Variants in RUNX1 observed in about 807,000 individuals in gnomAD.
RUNX1 encodes runt-related transcription factor 1.
In RUNX1, 19 loss-of-function variants were observed where a neutral mutation model predicts 42.8. The observed-to-expected ratio is 0.44, with a 90% confidence interval of 0.31 to 0.65. The LOEUF is 0.65. RUNX1 is among the 30% of genes least tolerant of loss of function. The pLI, the probability that RUNX1 is intolerant of heterozygous loss-of-function variation, is 0.07. For synonymous variants in RUNX1, 271 were observed against 289.4 expected (o/e 0.94, Z 0.64); for missense variants, 528 against 672.0 (o/e 0.79, Z 2.37).
chr21:35,030,126 G>T (rs1051014370), intron 2 of RUNX1, among the ~76,000 whole-genome samples: 1 of 152,084 alleles, frequency 6.6e-6, no homozygotes, highest in African/African-American at 2.4e-5. Flanking sequence ...GGTGGATCAC[G>T]AGGTTAGGAG....
chr21:34,828,296 G>A (rs577640626), intron 7 of RUNX1, among the ~76,000 whole-genome samples: 1 of 152,234 alleles, frequency 6.6e-6, no homozygotes, highest in East Asian at 1.9e-4. Flanking sequence ...CTATTTTCTT[G>A]CCTGTTTTTC....
intron 2 of RUNX1, among the ~76,000 whole-genome samples, chr21:35,040,135 G>T (rs757621866): frequency 4.6e-5 from 7 of 152,220 alleles, no homozygotes; most frequent in Admixed American, 2.0e-4. Flanking sequence ...GTGGGTGAAT[G>T]TCAAGTTCAG....
intron 3 of RUNX1, chr21:34,889,769 T>C (rs900548226): frequency 3.6e-5 from 42 of 1,152,042 alleles, no homozygotes; most frequent in Non-Finnish European, 4.1e-5. Flanking sequence ...CCGCCCCCGG[T>C]CCGGCGTGCG....
At chr21:34,808,519 G>A (rs1031209511) in intron 7 of RUNX1, among the ~76,000 whole-genome samples, 11 of 152,096 alleles carry the variant, frequency 7.2e-5, no homozygotes, top group South Asian at 2.1e-4. Context: ...ACATCAGGCC[G>A]CCCCCAACCC....
intron 2 of RUNX1, among the ~76,000 whole-genome samples, chr21:34,976,985 A>G (rs2058806924): frequency 6.6e-6 from 1 of 152,188 alleles, no homozygotes; most frequent in African/African-American, 2.4e-5. Flanking sequence ...TCAAACGGGG[A>G]AATGTTCCTT....
intron 6 of RUNX1, among the ~76,000 whole-genome samples, chr21:34,854,376 C>G (rs1395446558): frequency 6.6e-6 from 1 of 152,036 alleles, no homozygotes; most frequent in African/African-American, 2.4e-5. Context: ...CCTCAGGAAG[C>G]ACTCTACAGT....
intron 6 of RUNX1, among the ~76,000 whole-genome samples, chr21:34,854,543 C>T (rs1221567164): frequency 6.6e-6 from 1 of 151,416 alleles, no homozygotes; most frequent in Non-Finnish European, 1.5e-5. Context: ...CAAGATCGCA[C>T]CACTGCACTC....
intron 7 of RUNX1, among the ~76,000 whole-genome samples, chr21:34,804,423 T>C (rs778738147): frequency 7.2e-5 from 11 of 152,222 alleles, no homozygotes; most frequent in Non-Finnish European, 1.6e-4. Flanking sequence ...TAGAGGAATT[T>C]GAAGTCTCTG....
chr21:34,878,236 C>T (rs2057843476), intron 5 of RUNX1, among the ~76,000 whole-genome samples: 3 of 148,618 alleles, frequency 2.0e-5, no homozygotes, highest in South Asian at 2.1e-4. Context: ...GGTGTTGACA[C>T]TTACACTTGA....
At chr21:34,957,906 G>A (rs1422468232) in intron 2 of RUNX1, among the ~76,000 whole-genome samples, 1 of 152,178 alleles carries the variant, frequency 6.6e-6, no homozygotes, top group Admixed American at 6.5e-5. Context: ...CAGGATGTCT[G>A]TCCCAGTAGC....
In RUNX1 at chr21:34,930,270, G is replaced by GTGTGTGTATATATA. The variant is rs372412304; in HGVS notation, c.59-37308_59-37307insTATATATACACACA. On this transcript the variant is annotated intron_variant, in intron 2 of 8. Transcript: ENST00000675419. ...ATGTATATTATACGTGTGTGTGTAT[G>GTGTGTGTATATATA]TATATATATATATATATATATAAAT... Among the ~76,000 whole-genome samples, 84 of 123,014 alleles carry GTGTGTGTATATATA rather than the reference G, an allele frequency of 6.8e-4. 3 individuals are homozygous for GTGTGTGTATATATA. Among genetic ancestry groups the GTGTGTGTATATATA allele is most frequent in the African/African-American group, 3.0e-3 (81 of 26,660 alleles). The allele number at this position is 123,014 out of a possible 152,430, so 80.7% of individuals were successfully genotyped here. A position where few individuals can be genotyped will look rare whatever the true frequency, so the allele number is the denominator to read the frequency against.
intron 2 of RUNX1, among the ~76,000 whole-genome samples, chr21:35,045,221 T>C (rs563096596): frequency 2.8e-4 from 42 of 152,260 alleles, no homozygotes; most frequent in African/African-American, 8.9e-4. Flanking sequence ...AGTTTCAAAA[T>C]GTGTGGGCAG....
intron 5 of RUNX1, among the ~76,000 whole-genome samples, chr21:34,868,747 T>C (rs1008609213): frequency 5.3e-5 from 8 of 152,242 alleles, no homozygotes; most frequent in Admixed American, 3.9e-4. Context: ...TTAATTGCCA[T>C]GTTCCTTACT....
At chr21:34,935,179 T>C (rs2058476078) in intron 2 of RUNX1, among the ~76,000 whole-genome samples, 1 of 152,154 alleles carries the variant, frequency 6.6e-6, no homozygotes, top group African/African-American at 2.4e-5. Flanking sequence ...CTGATTCTAG[T>C]TGATGTGTTC....
chr21:34,870,080 T>A (rs1601493389), intron 5 of RUNX1, among the ~76,000 whole-genome samples: 1 of 152,202 alleles, frequency 6.6e-6, no homozygotes, highest in African/African-American at 2.4e-5. Flanking sequence ...CTGCCGCATA[T>A]AACCCTTTCA....
At position 34,790,276 on chromosome 21, in the gene RUNX1, T is replaced by A. The variant is rs2056418058; in HGVS notation, c.*1859A>T. ...ACAAGTTGTTTTAAATAAGTCCAGC[T>A]GTTTTTGCTGCCTGCAGCCAAAGAT... On this transcript the variant is annotated 3_prime_UTR_variant, in exon 9 of 9. Transcript: ENST00000675419. 1 of 233,460 alleles carries A rather than the reference T, an allele frequency of 4.3e-6. No individual in the cohort carries two copies. Among genetic ancestry groups the A allele is most frequent in the African/African-American group, 2.2e-5 (1 of 45,360 alleles). The allele number at this position is 233,460 out of a possible 1,614,324, so 14.5% of individuals were successfully genotyped here. A position where few individuals can be genotyped will look rare whatever the true frequency, so the allele number is the denominator to read the frequency against.
At chr21:34,818,159 G>T (rs193180085) in intron 7 of RUNX1, among the ~76,000 whole-genome samples, 1 of 152,176 alleles carries the variant, frequency 6.6e-6, no homozygotes, top group Non-Finnish European at 1.5e-5. Flanking sequence ...TCAGTGCTGG[G>T]GTGGGGTGGG....
chr21:34,819,126 G>T (rs762726218), intron 7 of RUNX1, among the ~76,000 whole-genome samples: 3 of 152,224 alleles, frequency 2.0e-5, no homozygotes, highest in Non-Finnish European at 4.4e-5. Context: ...CAAAGTCACT[G>T]TAAGAAGTGC....
intron 2 of RUNX1, among the ~76,000 whole-genome samples, chr21:34,913,359 T>A (rs2058287549): frequency 6.6e-6 from 1 of 152,136 alleles, no homozygotes; most frequent in Admixed American, 6.5e-5. Flanking sequence ...CCTGTTGGGT[T>A]CTGATGCGGG....
Sources: gnomAD v4.1 joint callset for allele counts (sites outside exome capture counted in the v4.1 genomes callset) on GRCh38, gnomAD v4.1.1 for gene constraint, MANE v1.5 for transcripts, NCBI Gene and HGNC (gene_info 2026-07-23, HGNC 2026-07-21) for gene names.